Variants in MTMR10 observed in about 807,000 individuals in gnomAD.
MTMR10 encodes the protein myotubularin-related protein 10.
Under a neutral mutation model 88.1 loss-of-function variants are expected in MTMR10, and 56 were observed. The ratio of observed to expected loss-of-function variants is 0.64; its 90% CI spans 0.51 to 0.79. The LOEUF (loss-of-function observed/expected upper bound fraction) is 0.79, where lower values mean the gene tolerates loss of function less well. Ranked by LOEUF, MTMR10 falls within the 30% of genes least tolerant of loss-of-function variation. The probability of loss-of-function intolerance (pLI) is 0.00; values close to 1 mark genes in which losing one functional copy is unlikely to be tolerated. For synonymous variants in MTMR10, 380 were observed against 340.9 expected (o/e 1.11, Z -1.26); for missense variants, 883 against 924.7 (o/e 0.95, Z 0.58).
rs538570301 is a variant in MTMR10, at chr15:30,940,281, A to G, written c.*1189T>C. On this transcript the variant is annotated 3_prime_UTR_variant, in exon 16 of 16. Transcript: ENST00000435680. ...TTGTCACACAGTTTGGAAATACTTT[A>G]CTTTAGAGAGATTCAGATCAAGCAA... is the stretch of plus-strand genomic sequence containing the variant. The G allele has an allele frequency of 1.2e-4, 116 of 984,760 alleles. No individual in the cohort carries two copies. The South Asian group carries it at 4.3e-3, about 37-fold the overall frequency. The allele number at this position is 984,760 out of a possible 1,614,324, so 61.0% of individuals were successfully genotyped here.
At chr15:30,929,747 TATATA>T in the MTMR10 span, among the ~76,000 whole-genome samples, 38 of 50,056 alleles carry the variant, frequency 7.6e-4, 1 homozygote, top group South Asian at 1.9e-3. Context: ...TATTATATCA[TATATA>T]ATATAATATA....
chr15:30,981,430 A>C (rs1389892916), intron 2 of MTMR10, among the ~76,000 whole-genome samples: 3 of 151,458 alleles, frequency 2.0e-5, no homozygotes, highest in African/African-American at 7.2e-5. Flanking sequence ...CTCACATGAC[A>C]CAAGGGCAAA....
intron 12 of MTMR10, chr15:30,949,930 A>T (rs1357789224): frequency 2.6e-5 from 4 of 152,246 alleles, no homozygotes; most frequent in African/African-American, 4.8e-5. Flanking sequence ...AGAGACAGAA[A>T]GATTAGTGGC....
At chr15:30,967,837 T>C (rs945339422) in intron 6 of MTMR10, 83 bp downstream of exon 6, 2 of 1,117,794 alleles carry the variant, frequency 1.8e-6, no homozygotes, top group South Asian at 1.5e-5. Context: ...TTAAAGCTCA[T>C]GTACTTGGAG....
chr15:30,925,172 A>G, the MTMR10 span: 2 of 1,613,876 alleles, frequency 1.2e-6, no homozygotes, highest in South Asian at 2.2e-5. Context: ...GGAAGTCAGA[A>G]CGGGACACCG....
intron 10 of MTMR10, 22 bp from the exon 11 acceptor site, chr15:30,953,653 C>T (rs769775505): frequency 2.1e-6 from 3 of 1,437,586 alleles, no homozygotes; most frequent in Admixed American, 2.1e-5. Context: ...TATATACATA[C>T]ACATTTTTAC....
the MTMR10 span, chr15:30,920,637 G>C: frequency 6.2e-7 from 1 of 1,605,816 alleles, no homozygotes; most frequent in South Asian, 1.1e-5. Context: ...ATACTGCAGA[G>C]ACTTCACATG....
rs938451350 is a variant in MTMR10, at chr15:30,940,880, T to TAA, written c.*588_*589dup. Reference sequence around the variant, plus strand: ...TTAAAATTAACAGTGCATATCATTTTAAAGTTGACCCTATGAAGTTAAAAG... The same window carrying TAA: ...TTAAAATTAACAGTGCATATCATTTTAAAAAGTTGACCCTATGAAGTTAAAAG... On this transcript the variant is annotated 3_prime_UTR_variant, in exon 16 of 16. Transcript: ENST00000435680. 4.9e-6 allele frequency: 5 copies of TAA among 1,014,986 alleles called. No homozygotes were observed. The highest frequency in any genetic ancestry group is 1.7e-5 in the African/African-American group (1 of 57,554). The allele number at this position is 1,014,986 out of a possible 1,614,324, so 62.9% of individuals were successfully genotyped here. A position where few individuals can be genotyped will look rare whatever the true frequency, so the allele number is the denominator to read the frequency against.
At chr15:30,925,248 T>C in the MTMR10 span, 1 of 1,614,116 alleles carries the variant, frequency 6.2e-7, no homozygotes, top group Non-Finnish European at 8.5e-7. Flanking sequence ...TTCAAGCACC[T>C]CTTCCAGCAG....
intron 5 of MTMR10, among the ~76,000 whole-genome samples, chr15:30,968,943 C>T (rs1026424856): frequency 6.6e-6 from 1 of 151,708 alleles, no homozygotes; most frequent in African/African-American, 2.4e-5. Flanking sequence ...TGAGCAAAGA[C>T]GAAAGAAGAA....
At chr15:30,963,646 T>TA (rs1566957254) in intron 6 of MTMR10, among the ~76,000 whole-genome samples, 7 of 148,024 alleles carry the variant, frequency 4.7e-5, no homozygotes, top group African/African-American at 1.8e-4. Context: ...CAAAAATAAA[T>TA]AGACAGATAG....
chr15:30,983,982 C>T (rs1203942041), intron 2 of MTMR10, among the ~76,000 whole-genome samples: 1 of 152,048 alleles, frequency 6.6e-6, no homozygotes, highest in African/African-American at 2.4e-5. Flanking sequence ...AGAATGAAAT[C>T]TTGAAGGAAG....
chr15:30,991,279 G>A, intron 1 of MTMR10, 168 bp downstream of exon 1: 1 of 607,438 alleles, frequency 1.6e-6, no homozygotes, highest in African/African-American at 1.9e-5. Context: ...GAGCCAGTGG[G>A]GGCTCCCGAG....
chr15:30,921,269 C>T, the MTMR10 span, among the ~76,000 whole-genome samples: 1 of 152,188 alleles, frequency 6.6e-6, no homozygotes, highest in African/African-American at 2.4e-5. Context: ...CACAGGTCTG[C>T]AGCCTGAGCC....
chr15:30,953,516 T>C (rs1457831263), intron 11 of MTMR10, 46 bp downstream of exon 11: 17 of 1,416,140 alleles, frequency 1.2e-5, no homozygotes, highest in Admixed American at 4.3e-5. Context: ...TCTGTAGTTA[T>C]CTCAAAATAA....
At chr15:30,928,506 TTGTGTGTGTGTG>T in the MTMR10 span, 33 of 1,484,512 alleles carry the variant, frequency 2.2e-5, no homozygotes, top group South Asian at 1.3e-4. Context: ...AAAACAGATT[TTGTGTGTGTGTG>T]TGTGTGTGTG....
In MTMR10 at chr15:30,960,877, T is replaced by G. The variant is rs915732670; in HGVS notation, c.758+4A>C. The G allele has an allele frequency of 1.3e-6, 2 of 1,584,852 alleles. No homozygotes were observed. Among genetic ancestry groups the G allele is most frequent in the Admixed American group, 3.4e-5 (2 of 58,614 alleles). The stretch of plus-strand genomic sequence containing the variant: ...ATATATAACATTGCTAAAATTGTAC[T>G]TACCAAGTGGATATCATGTAACCCT... On this transcript the variant is annotated splice_donor_region_variant and intron_variant, in intron 7 of 15. Coordinates refer to ENST00000435680, the MANE Select transcript of MTMR10 (RefSeq NM_017762.3).
intron 5 of MTMR10, among the ~76,000 whole-genome samples, chr15:30,973,839 C>G (rs2029899454): frequency 6.6e-6 from 1 of 152,176 alleles, no homozygotes; most frequent in Non-Finnish European, 1.5e-5. Flanking sequence ...TTGAGTGTCA[C>G]TCAATTCATA....
Position 30,976,719 on chromosome 15 carries a change from C to G in MTMR10, c.258+100G>C, listed in dbSNP as rs144377736. 4.5e-4 allele frequency: 590 copies of G among 1,313,554 alleles called. 4 individuals carry two copies. The African/African-American group carries it at 8.0e-3, about 18-fold the overall frequency. The allele number at this position is 1,313,554 out of a possible 1,614,324, so 81.4% of individuals were successfully genotyped here. A position where few individuals can be genotyped will look rare whatever the true frequency, so the allele number is the denominator to read the frequency against. On this transcript the variant is annotated intron_variant, in intron 3 of 15. Coordinates refer to ENST00000435680, the MANE Select transcript of MTMR10 (RefSeq NM_017762.3). Reference sequence around the variant, plus strand: ...ATCCCAAACATTGCATTACCTAATACTTCTACTATAACTTTTCCATACCTA... The same window carrying G: ...ATCCCAAACATTGCATTACCTAATAGTTCTACTATAACTTTTCCATACCTA...
Sources: allele counts gnomAD v4.1 joint callset (sites outside exome capture counted in the v4.1 genomes callset), GRCh38; gene constraint gnomAD v4.1.1; transcripts MANE v1.5; gene names NCBI Gene and HGNC (gene_info 2026-07-23, HGNC 2026-07-21).